The following SCD5 variants were observed in gnomAD, a reference collection of about 807,000 sequenced individuals.
The protein encoded by SCD5 is acyl-CoA-desaturase 4.
A neutral mutation model predicts 30.4 loss-of-function variants in SCD5; 20 were observed. That is an observed-to-expected ratio of 0.66 (90% confidence interval 0.46 to 0.96). SCD5 has a LOEUF of 0.96. Among genes scored for constraint, SCD5 ranks in the 40% least tolerant of loss-of-function variants. The pLI, the probability that SCD5 is intolerant of heterozygous loss-of-function variation, is 0.00. For missense variants in SCD5, 381 were observed against 443.3 expected, an observed-to-expected ratio of 0.86 and a Z score of 1.26; for synonymous variants, 173 against 176.4, an observed-to-expected ratio of 0.98 and a Z score of 0.16.
chr4:82,655,175 GC>G (rs1727843850), intron 3 of SCD5, among the ~76,000 whole-genome samples: 1 of 152,116 alleles, frequency 6.6e-6, no homozygotes, highest in Non-Finnish European at 1.5e-5. Flanking sequence ...ATAAGCATGT[GC>G]CTTTTCTTCC....
In SCD5 at chr4:82,743,813, C is replaced by A. The variant is rs548387869; in HGVS notation, c.233-38400G>T. Among the ~76,000 whole-genome samples the A allele has an allele frequency of 7.2e-5, 11 of 152,146 alleles. No homozygotes were observed. The East Asian group carries it at 2.1e-3, about 29-fold the overall frequency. On this transcript the variant is annotated intron_variant, in intron 1 of 4. Transcript: ENST00000319540. ...GCTGAGATTACAGGCATGACCACAC[C>A]CGGCCACTAACTTCTTTGTTGTTGT...
At chr4:82,763,882 A>G (rs2148846638) in intron 1 of SCD5, among the ~76,000 whole-genome samples, 1 of 152,306 alleles carries the variant, frequency 6.6e-6, no homozygotes, top group African/African-American at 2.4e-5. Context: ...ATATAATCCC[A>G]AGGATGACTG....
At chr4:82,772,199 G>A (rs1721639422) in intron 1 of SCD5, among the ~76,000 whole-genome samples, 1 of 152,236 alleles carries the variant, frequency 6.6e-6, no homozygotes, top group Non-Finnish European at 1.5e-5. Flanking sequence ...GGAAGGTGGT[G>A]CTACTAACCA....
At chr4:82,709,283 C>T (rs1720030864) in intron 1 of SCD5, among the ~76,000 whole-genome samples, 1 of 152,216 alleles carries the variant, frequency 6.6e-6, no homozygotes, top group African/African-American at 2.4e-5. Context: ...GCATCCCATT[C>T]AGCCTCGGCT....
At chr4:82,691,762 T>C (rs1189173854) in intron 2 of SCD5, 1 of 152,362 alleles carries the variant, frequency 6.6e-6, no homozygotes, top group Non-Finnish European at 1.5e-5. Context: ...TAGATGGGCT[T>C]CTGATGCCCT....
At chr4:82,721,479 G>A (rs1720368215) in intron 1 of SCD5, among the ~76,000 whole-genome samples, 1 of 152,194 alleles carries the variant, frequency 6.6e-6, no homozygotes, top group Non-Finnish European at 1.5e-5. Context: ...CAGTGCCCCA[G>A]AATGTGACTT....
At chr4:82,701,334 C>T (rs1407018435) in intron 2 of SCD5, among the ~76,000 whole-genome samples, 1 of 151,692 alleles carries the variant, frequency 6.6e-6, no homozygotes, top group African/African-American at 2.4e-5. Context: ...GTAGAATACA[C>T]AAATAAAAAG....
At position 82,631,286 on chromosome 4, in the gene SCD5, C is replaced by A; in HGVS notation, c.*41G>T. On this transcript the variant is annotated 3_prime_UTR_variant, in exon 5 of 5. Coordinates refer to ENST00000319540, the MANE Select transcript of SCD5 (RefSeq NM_001037582.3). ...AGCTATTGTAACCAAAGCCATGAAC[C>A]GAGGTTGCAACGGCAGACATGTGGG... 1.9e-6 allele frequency: 3 copies of A among 1,586,032 alleles called. No individual in the cohort carries two copies. Among genetic ancestry groups the A allele is most frequent in the Middle Eastern group, 4.1e-4 (2 of 4,896 alleles).
intron 1 of SCD5, among the ~76,000 whole-genome samples, chr4:82,730,880 A>G (rs1260376704): frequency 6.6e-6 from 1 of 152,064 alleles, no homozygotes; most frequent in African/African-American, 2.4e-5. Context: ...CACAGCGCCC[A>G]GCTGTATTTT....
chr4:82,729,879 C>A lies in SCD5; in HGVS notation c.233-24466G>T, dbSNP rs531890950. 1.0e-3 allele frequency among the ~76,000 whole-genome samples: 158 copies of A among 152,310 alleles called. 2 individuals are homozygous for A. Among genetic ancestry groups the A allele is most frequent in the Non-Finnish European group, 1.8e-3 (124 of 68,034 alleles). Reference sequence around the variant, plus strand: ...GCACCAGAGGAGTCTATACAACCAACCTTCCCAATTAGCACTTATCTTCCA... The same window carrying A: ...GCACCAGAGGAGTCTATACAACCAAACTTCCCAATTAGCACTTATCTTCCA... On this transcript the variant is annotated intron_variant, in intron 1 of 4. Coordinates refer to ENST00000319540, the MANE Select transcript of SCD5 (RefSeq NM_001037582.3).
intron 1 of SCD5, among the ~76,000 whole-genome samples, chr4:82,711,225 A>C (rs1348634624): frequency 3.3e-5 from 5 of 151,922 alleles, no homozygotes; most frequent in African/African-American, 7.2e-5. Flanking sequence ...CACACTTTTC[A>C]TCACTATAAA....
chr4:82,689,364 C>T (rs1728781057), intron 2 of SCD5, among the ~76,000 whole-genome samples: 1 of 149,244 alleles, frequency 6.7e-6, no homozygotes, highest in East Asian at 1.9e-4. Flanking sequence ...CAGCAAGACA[C>T]CACACTAAAA....
intron 2 of SCD5, among the ~76,000 whole-genome samples, chr4:82,704,214 C>T (rs552639998): frequency 5.3e-4 from 81 of 152,264 alleles, no homozygotes; most frequent in African/African-American, 1.9e-3. Flanking sequence ...CAGGTTGTCT[C>T]GTAGGAGTGG....
At chr4:82,637,098 T>A (rs1191833737) in intron 3 of SCD5, among the ~76,000 whole-genome samples, 1 of 152,230 alleles carries the variant, frequency 6.6e-6, no homozygotes, top group Admixed American at 6.5e-5. Flanking sequence ...AACTTCAGTA[T>A]AATCAACACT....
At chr4:82,720,389 T>C (rs1037076834) in intron 1 of SCD5, among the ~76,000 whole-genome samples, 1 of 129,006 alleles carries the variant, frequency 7.8e-6, no homozygotes, top group Admixed American at 9.8e-5. Context: ...GTTGTAATCA[T>C]GAACTCCAGC....
At chr4:82,699,201 G>A (rs1199528116) in intron 2 of SCD5, among the ~76,000 whole-genome samples, 1 of 152,122 alleles carries the variant, frequency 6.6e-6, no homozygotes, top group East Asian at 1.9e-4. Flanking sequence ...TGCCATAAAG[G>A]CTGAGGACTA....
At chr4:82,764,382 T>A (rs1355812916) in intron 1 of SCD5, among the ~76,000 whole-genome samples, 1 of 152,204 alleles carries the variant, frequency 6.6e-6, no homozygotes, top group Non-Finnish European at 1.5e-5. Flanking sequence ...ATATTTTCTT[T>A]TTGTCTAATT....
intron 3 of SCD5, among the ~76,000 whole-genome samples, chr4:82,645,314 GA>G (rs34850249): frequency 1.1e-4 from 16 of 144,738 alleles, no homozygotes; most frequent in African/African-American, 1.3e-4. Flanking sequence ...ACCGTCTCAA[GA>G]AAAAAAAAAA....
chr4:82,782,771 T>G (rs1721898817), intron 1 of SCD5, among the ~76,000 whole-genome samples: 1 of 152,212 alleles, frequency 6.6e-6, no homozygotes, highest in Non-Finnish European at 1.5e-5. Context: ...AGAAAATATG[T>G]GCTGAAAGCA....
Sources: gnomAD v4.1 joint callset for allele counts (sites outside exome capture counted in the v4.1 genomes callset) on GRCh38, gnomAD v4.1.1 for gene constraint, MANE v1.5 for transcripts, NCBI Gene and HGNC (gene_info 2026-07-23, HGNC 2026-07-21) for gene names.